FHIT: variants seen among roughly 807,000 people sequenced by gnomAD.
The protein encoded by FHIT is fragile histidine triad diadenosine triphosphatase, also known as bis(5'-adenosyl)-triphosphatase.
FHIT carries 19 observed loss-of-function variants against 17.9 expected under a neutral mutation model. The observed-to-expected ratio is 1.06, with a 90% CI of 0.74 to 1.56. FHIT has a LOEUF of 1.56. Among genes scored for constraint, FHIT ranks in the 40% most tolerant of loss-of-function variants. The probability of loss-of-function intolerance (pLI) is 0.00; values close to 1 mark genes in which losing one functional copy is unlikely to be tolerated. For synonymous variants in FHIT, 81 were observed against 69.7 expected (o/e 1.16, Z -0.81); for missense variants, 248 against 189.2 (o/e 1.31, Z -1.82).
chr3:60,660,612 C>T (rs1553690833), intron 4 of FHIT, among the ~76,000 whole-genome samples: 3 of 151,670 alleles, frequency 2.0e-5, no homozygotes, highest in African/African-American at 7.3e-5. Flanking sequence ...TCCCAGAATC[C>T]CCTCCTTATC....
chr3:61,046,860 T>C (rs1030478291), intron 2 of FHIT, among the ~76,000 whole-genome samples: 2 of 152,090 alleles, frequency 1.3e-5, no homozygotes, highest in African/African-American at 4.8e-5. Flanking sequence ...AAAAACGTAA[T>C]CCATCATATA....
intron 7 of FHIT, among the ~76,000 whole-genome samples, chr3:59,956,809 T>G (rs1198994647): frequency 6.6e-6 from 1 of 152,242 alleles, no homozygotes; most frequent in Admixed American, 6.5e-5. Context: ...AACTACTACC[T>G]GGCAGAAGAA....
At chr3:60,272,413 T>C (rs999180764) in intron 5 of FHIT, among the ~76,000 whole-genome samples, 1 of 152,184 alleles carries the variant, frequency 6.6e-6, no homozygotes, top group Non-Finnish European at 1.5e-5. Context: ...GACCAGATTA[T>C]AGTCAGCAAA....
At chr3:61,195,217 T>C (rs7638831) in intron 2 of FHIT, among the ~76,000 whole-genome samples, 7,001 of 151,520 alleles carry the variant, frequency 0.046, 519 homozygotes, top group East Asian at 0.28. Flanking sequence ...CCGGCTGAGC[T>C]GAAAAAAAAT....
At chr3:60,115,694 A>C (rs1704925576) in intron 5 of FHIT, among the ~76,000 whole-genome samples, 1 of 152,206 alleles carries the variant, frequency 6.6e-6, no homozygotes, top group African/African-American at 2.4e-5. Flanking sequence ...GAGAGAACAA[A>C]TTCTGATACA....
intron 7 of FHIT, among the ~76,000 whole-genome samples, chr3:59,927,752 G>C (rs983092734): frequency 1.3e-5 from 2 of 151,854 alleles, no homozygotes; most frequent in Non-Finnish European, 2.9e-5. Context: ...CTGGGTGACA[G>C]AGCAAGACTC....
chr3:60,859,405 A>T (rs1238044220), intron 3 of FHIT, among the ~76,000 whole-genome samples: 1 of 152,110 alleles, frequency 6.6e-6, no homozygotes, highest in Non-Finnish European at 1.5e-5. Flanking sequence ...ATTAGTATTC[A>T]CCCATGTGCA....
intron 5 of FHIT, among the ~76,000 whole-genome samples, chr3:60,307,901 A>G (rs547028796): frequency 1.8e-4 from 28 of 152,206 alleles, no homozygotes; most frequent in African/African-American, 6.5e-4. Flanking sequence ...TACTGTGATA[A>G]TTGTTGCTAA....
chr3:60,056,804 T>G (rs1242343643), intron 5 of FHIT, among the ~76,000 whole-genome samples: 1 of 152,214 alleles, frequency 6.6e-6, no homozygotes, highest in East Asian at 1.9e-4. Flanking sequence ...GCCAATACTT[T>G]TATCCTAGAT....
intron 4 of FHIT, among the ~76,000 whole-genome samples, chr3:60,795,896 A>G (rs1700964962): frequency 6.6e-6 from 1 of 152,158 alleles, no homozygotes. Flanking sequence ...AAGGTGTGTT[A>G]GTCTGTTTTC....
intron 5 of FHIT, among the ~76,000 whole-genome samples, chr3:60,274,781 C>T (rs1374092462): frequency 6.6e-6 from 1 of 152,132 alleles, no homozygotes; most frequent in Non-Finnish European, 1.5e-5. Context: ...CCTTAGTAGC[C>T]AGACAGTAGG....
At chr3:59,857,256 G>A (rs935042014) in intron 8 of FHIT, among the ~76,000 whole-genome samples, 1 of 152,146 alleles carries the variant, frequency 6.6e-6, no homozygotes, top group Non-Finnish European at 1.5e-5. Context: ...AGGAATGAGC[G>A]ATACACTGTC....
intron 3 of FHIT, among the ~76,000 whole-genome samples, chr3:60,933,728 A>T (rs1553772413): frequency 6.6e-6 from 1 of 152,186 alleles, no homozygotes; most frequent in Non-Finnish European, 1.5e-5. Flanking sequence ...TCTCTGGAAC[A>T]CTTTTTGGCT....
chr3:60,144,253 A>G (rs1401223679), intron 5 of FHIT, among the ~76,000 whole-genome samples: 1 of 152,214 alleles, frequency 6.6e-6, no homozygotes, highest in Non-Finnish European at 1.5e-5. Context: ...AGACCAACTA[A>G]CAACTCTAAT....
intron 3 of FHIT, among the ~76,000 whole-genome samples, chr3:60,910,101 T>G (rs1476728231): frequency 2.6e-5 from 4 of 152,156 alleles, no homozygotes; most frequent in African/African-American, 7.2e-5. Flanking sequence ...ATCTTTGTGG[T>G]TCTTTTGGGA....
chr3:59,905,544 A>G (rs1704547868), intron 8 of FHIT, among the ~76,000 whole-genome samples: 1 of 152,258 alleles, frequency 6.6e-6, no homozygotes, highest in Non-Finnish European at 1.5e-5. Context: ...GATGAGGCAT[A>G]TAAAATTTAA....
intron 5 of FHIT, among the ~76,000 whole-genome samples, chr3:60,080,044 A>G (rs1278411925): frequency 1.3e-5 from 2 of 152,172 alleles, no homozygotes; most frequent in Non-Finnish European, 2.9e-5. Flanking sequence ...TAATTTACAA[A>G]TAAGTAATTT....
Position 60,956,332 on chromosome 3 carries a change from G to T in FHIT, c.-111+85715C>A, listed in dbSNP as rs1241669877. 2.0e-5 allele frequency among the ~76,000 whole-genome samples: 3 copies of T among 152,312 alleles called. No homozygotes were observed. In the East Asian group the frequency reaches 5.8e-4, roughly 29 times the overall value. On this transcript the variant is annotated intron_variant, in intron 3 of 9. Transcript: ENST00000492590. The stretch of plus-strand genomic sequence containing the variant: ...TACAGCACATAGGATAGCAAGTACA[G>T]CCAGGCCTTATGAAGAACCAGAGCC...
At chr3:59,754,222 GC>G (rs1478844692) in intron 8 of FHIT, among the ~76,000 whole-genome samples, 1 of 152,062 alleles carries the variant, frequency 6.6e-6, no homozygotes, top group Non-Finnish European at 1.5e-5. Flanking sequence ...GTAAGTTTGA[GC>G]CTAAATGAGG....
Sources: allele counts gnomAD v4.1 joint callset (sites outside exome capture counted in the v4.1 genomes callset), GRCh38; gene constraint gnomAD v4.1.1; transcripts MANE v1.5; gene names NCBI Gene and HGNC (gene_info 2026-07-23, HGNC 2026-07-21).